Variants in FGD4 observed in about 807,000 individuals in gnomAD.
The protein encoded by FGD4 is FYVE, RhoGEF and PH domain-containing protein 4.
In FGD4, 42 loss-of-function variants were observed where a neutral mutation model predicts 102.0. The observed-to-expected ratio is 0.41, with a 90% CI of 0.32 to 0.53. FGD4 has a LOEUF of 0.53. Ranked by LOEUF, FGD4 falls within the 20% of genes least tolerant of loss-of-function variation. The pLI is 0.21. For synonymous variants in FGD4, 380 were observed against 375.7 expected (o/e 1.01, Z -0.13); for missense variants, 902 against 1,078.2 (o/e 0.84, Z 2.29).
At chr12:32,571,387 G>A (rs191569098) in intron 2 of FGD4, among the ~76,000 whole-genome samples, 4 of 152,188 alleles carry the variant, frequency 2.6e-5, no homozygotes, top group South Asian at 4.1e-4. Context: ...CCTGGAAGGC[G>A]GAGGTTGCAG....
Position 32,642,471 on chromosome 12 carries a change from C to T in FGD4, c.*1938C>T, listed in dbSNP as rs942735544. On this transcript the variant is annotated 3_prime_UTR_variant, in exon 17 of 17. Transcript: ENST00000534526. ...ACTAGAACAATGGTAATGTATGGGC[C>T]AATGGGAAGATTTATAAGTCAGATT... is the stretch of plus-strand genomic sequence containing the variant. 2.0e-5 allele frequency: 3 copies of T among 151,908 alleles called. No homozygotes were observed. The highest frequency in any genetic ancestry group is 7.3e-5 in the African/African-American group (3 of 41,364). 9.4% of individuals were successfully genotyped at this position (151,908 alleles called of 1,614,324 possible).
intron 1 of FGD4, among the ~76,000 whole-genome samples, chr12:32,539,713 A>G (rs1430943435): frequency 1.4e-5 from 1 of 73,848 alleles, no homozygotes. Flanking sequence ...AGTTAATGTT[A>G]AAAAAAAAAG....
chr12:32,620,507 A>AT lies in FGD4; in HGVS notation c.1922+645dup, dbSNP rs1295131642. On this transcript the variant is annotated intron_variant, in intron 11 of 16. Coordinates refer to ENST00000534526, the MANE Select transcript of FGD4 (RefSeq NM_001370298.3). ...GGCTAACATTCCCCTAGCCATAACC[A>AT]TTTTTTTTCTTTCTTTTTTTTTTTT... Among the ~76,000 whole-genome samples, 7 of 123,628 alleles carry AT rather than the reference A, an allele frequency of 5.7e-5. No homozygotes were observed. In the East Asian group the frequency reaches 6.7e-4, roughly 12 times the overall value. 81.1% of individuals were successfully genotyped at this position (123,628 alleles called of 152,430 possible).
intron 11 of FGD4, among the ~76,000 whole-genome samples, chr12:32,622,172 A>G (rs1397155599): frequency 6.6e-6 from 1 of 152,202 alleles, no homozygotes; most frequent in Non-Finnish European, 1.5e-5. Flanking sequence ...GGCATGAGCC[A>G]CTGCGTCCAG....
intron 1 of FGD4, chr12:32,477,569 G>A (rs10506085): frequency 0.13 from 20,501 of 152,314 alleles, 1,463 homozygotes; most frequent in South Asian, 0.18. Flanking sequence ...CATTGGTTGT[G>A]TCAAAGTTTG....
intron 7 of FGD4, among the ~76,000 whole-genome samples, chr12:32,606,188 T>C (rs186644013): frequency 3.3e-5 from 5 of 152,308 alleles, no homozygotes; most frequent in Non-Finnish European, 5.9e-5. Flanking sequence ...ATTTATATAA[T>C]TAATATCTTA....
intron 1 of FGD4, among the ~76,000 whole-genome samples, chr12:32,405,002 C>T (rs1046830021): frequency 3.9e-5 from 6 of 152,072 alleles, no homozygotes; most frequent in African/African-American, 1.2e-4. Context: ...GGCGCAATCT[C>T]GGCTCACTTC....
Position 32,641,561 on chromosome 12 carries a change from G to A in FGD4, c.*1028G>A, listed in dbSNP as rs193145088. On this transcript the variant is annotated 3_prime_UTR_variant, in exon 17 of 17. Transcript: ENST00000534526. Reference sequence around the variant, plus strand: ...TACCGTTTACAATCCTATAATTATTGCAGTAGTTAACATCAGCATGTACAA... The same window carrying A: ...TACCGTTTACAATCCTATAATTATTACAGTAGTTAACATCAGCATGTACAA... 2 of 152,238 alleles carry A rather than the reference G, an allele frequency of 1.3e-5. No homozygotes were observed. The highest frequency in any genetic ancestry group is 1.9e-4 in the East Asian group (1 of 5,184). 9.4% of individuals were successfully genotyped at this position (152,238 alleles called of 1,614,324 possible).
At chr12:32,602,352 C>T (rs1188349362) in intron 7 of FGD4, 35 bp downstream of exon 7, 1 of 1,611,596 alleles carries the variant, frequency 6.2e-7, no homozygotes, top group East Asian at 2.2e-5. Context: ...CTATGAATTA[C>T]TATTTCCATA....
chr12:32,556,168 A>G (rs1049977844), intron 1 of FGD4, among the ~76,000 whole-genome samples: 10 of 152,162 alleles, frequency 6.6e-5, no homozygotes, highest in African/African-American at 2.4e-4. Flanking sequence ...AGAGCCTTTA[A>G]TATGGTTTCT....
intron 7 of FGD4, among the ~76,000 whole-genome samples, chr12:32,603,608 A>G (rs1272276141): frequency 2.0e-5 from 3 of 151,884 alleles, no homozygotes; most frequent in African/African-American, 4.8e-5. Flanking sequence ...GATGATCTCT[A>G]TCTCCTGACC....
intron 1 of FGD4, chr12:32,534,603 C>T: frequency 1.5e-6 from 1 of 655,724 alleles, no homozygotes; most frequent in Non-Finnish European, 2.3e-6. Context: ...GTTTGGTTTT[C>T]TTTTAAAGTT....
intron 7 of FGD4, among the ~76,000 whole-genome samples, chr12:32,604,367 GT>G (rs1459672223): frequency 6.6e-6 from 1 of 151,528 alleles, no homozygotes; most frequent in Non-Finnish European, 1.5e-5. Flanking sequence ...CCTTTTGTTT[GT>G]TTTGGAAATG....
intron 1 of FGD4, among the ~76,000 whole-genome samples, chr12:32,508,593 C>CAACT (rs1592048950): frequency 6.6e-6 from 1 of 152,228 alleles, no homozygotes; most frequent in Non-Finnish European, 1.5e-5. Flanking sequence ...CTTTGTAGAT[C>CAACT]AACTCTCTTC....
intron 1 of FGD4, among the ~76,000 whole-genome samples, chr12:32,499,095 CT>C (rs1938004855): frequency 1.3e-5 from 2 of 152,206 alleles, no homozygotes; most frequent in Non-Finnish European, 2.9e-5. Flanking sequence ...GCATATTCAG[CT>C]GCGAAGGGAA....
intron 1 of FGD4, among the ~76,000 whole-genome samples, chr12:32,562,068 G>A (rs1442678769): frequency 6.6e-6 from 1 of 152,098 alleles, no homozygotes; most frequent in African/African-American, 2.4e-5. Context: ...AGAGTCTTTA[G>A]GTCAGCTGTC....
At chr12:32,451,672 C>T (rs945238295) in intron 1 of FGD4, among the ~76,000 whole-genome samples, 1 of 151,230 alleles carries the variant, frequency 6.6e-6, no homozygotes, top group African/African-American at 2.4e-5. Flanking sequence ...TTTGGAAGGC[C>T]GAGGCGGGTG....
Position 32,455,850 on chromosome 12 carries a change from GC to G in FGD4, c.166+55892del, listed in dbSNP as rs550133059. On this transcript the variant is annotated intron_variant, in intron 1 of 16. Coordinates refer to ENST00000534526, the MANE Select transcript of FGD4 (RefSeq NM_001370298.3). ...TATGCTATAAATGAATTAAATAATA[GC>G]AGATAGTCACAGAGTTCTAGACTAG... Among the ~76,000 whole-genome samples the G allele has an allele frequency of 1.9e-3, 283 of 152,220 alleles. 2 individuals are homozygous for G. The highest frequency in any genetic ancestry group is 6.6e-3 in the African/African-American group (273 of 41,550).
intron 1 of FGD4, among the ~76,000 whole-genome samples, chr12:32,434,801 A>G (rs1037894505): frequency 6.6e-6 from 1 of 152,258 alleles, no homozygotes; most frequent in African/African-American, 2.4e-5. Flanking sequence ...TTGAGGCACC[A>G]TATGATGTTT....
Sources: gnomAD v4.1 joint callset for allele counts (sites outside exome capture counted in the v4.1 genomes callset) on GRCh38, gnomAD v4.1.1 for gene constraint, MANE v1.5 for transcripts, NCBI Gene and HGNC (gene_info 2026-07-23, HGNC 2026-07-21) for gene names.